The following SRRM2 variants were observed in gnomAD, a reference collection of about 807,000 sequenced individuals.
SRRM2 encodes the protein serine/arginine repetitive matrix protein 2.
A neutral mutation model predicts 213.8 loss-of-function variants in SRRM2; 30 were observed. The ratio of observed to expected loss-of-function variants is 0.14; its 90% CI spans 0.10 to 0.19. SRRM2 has a LOEUF of 0.19. Ranked by LOEUF, SRRM2 falls within the 10% of genes least tolerant of loss-of-function variation. The pLI is 1.00. For missense variants in SRRM2, 4,904 were observed against 3,647.0 expected, an observed-to-expected ratio of 1.34 and a Z score of -8.88; for synonymous variants, 2,025 against 1,377.7, an observed-to-expected ratio of 1.47 and a Z score of -10.40.
chr16:2,761,539 C>T, intron 10 of SRRM2, 22 bp from the exon 11 acceptor site: 3 of 1,481,536 alleles, frequency 2.0e-6, no homozygotes, highest in Non-Finnish European at 1.8e-6. Flanking sequence ...ATCCCTATCC[C>T]TGCTCTCTCT....
At position 2,756,435 on chromosome 16, in the gene SRRM2, C is replaced by T; in HGVS notation, c.71C>T (p.Ser24Phe). The change falls in exon 2 of 15, where the codon TCC becomes TTC. Residue 24 changes from serine to phenylalanine, a missense_variant. Physicochemically the swap from Ser to Phe is radical, Grantham distance 155. Transcript: ENST00000301740. ...AACGGCTACGTCCAGCGCAACCTGT[C>T]CCTGGTGCGGGGCCGCCGGGGTGAG... ...GTNGYVQRNL[S>F]LVRGRRGERP... 4 of 1,612,400 alleles carry T rather than the reference C, an allele frequency of 2.5e-6. No homozygotes were observed. Among genetic ancestry groups the T allele is most frequent in the Non-Finnish European group, 3.4e-6 (4 of 1,179,386 alleles).
At chr16:2,758,361 ACTCTTATT>A in intron 4 of SRRM2, 101 bp from the exon 5 acceptor site, 1 of 1,049,550 alleles carries the variant, frequency 9.5e-7, no homozygotes, top group Admixed American at 1.9e-5. Flanking sequence ...ACAGAGCGAG[ACTCTTATT>A]TTTTTATTTT....
chr16:2,767,858 C>G lies in SRRM2; in HGVS notation c.7330C>G (p.Gln2444Glu). Residue 2444 changes from glutamine (Q) to glutamate (E), a missense_variant, in exon 11 of 15, where the codon CAG becomes GAG. Physicochemically the swap from Gln to Glu is conservative, Grantham distance 29. Transcript: ENST00000301740. ...TTCACAGTCTCTTCTCCCTCCAGCA[C>G]AGGATCAGCCGAGGTCTCCTGTGCC... The part of the protein sequence containing the change: ...APSQSLLPPA[Q>E]DQPRSPVPSA... The G allele has an allele frequency of 1.2e-6, 2 of 1,614,152 alleles. No individual in the cohort carries two copies. The highest frequency in any genetic ancestry group is 1.7e-6 in the Non-Finnish European group (2 of 1,180,020).
chr16:2,757,939 C>A lies in SRRM2; in HGVS notation c.509C>A (p.Pro170His), dbSNP rs529937149. 2.5e-6 allele frequency: 4 copies of A among 1,613,230 alleles called. No individual in the cohort carries two copies. The Admixed American group carries it at 6.7e-5, about 27-fold the overall frequency. ...AKQPAPEPPK[P>H]YSLVRESSSS... ...CAACCAGCTCCTGAGCCTCCCAAAC[C>A]TTACAGGTATACAAGGCCAAGAAAC... The change falls in exon 4 of 15, where the codon CCT becomes CAT. Residue 170 changes from proline (P) to histidine (H), a missense_variant. Physicochemically the swap from Pro to His is moderately conservative, Grantham distance 77. Coordinates refer to ENST00000301740, the MANE Select transcript of SRRM2 (RefSeq NM_016333.4).
intron 1 of SRRM2, among the ~76,000 whole-genome samples, chr16:2,754,396 C>T (rs1253735302): frequency 1.3e-5 from 2 of 151,876 alleles, no homozygotes; most frequent in African/African-American, 2.4e-5. Flanking sequence ...CGGGTTCAAG[C>T]GATTCTCCTG....
rs1424804894 is a variant in SRRM2 at position 2,757,573 on chromosome 16, G to A, written c.344G>A (p.Arg115Lys). The A allele has an allele frequency of 1.2e-6, 2 of 1,612,972 alleles. No homozygotes were observed. Among genetic ancestry groups the A allele is most frequent in the Non-Finnish European group, 1.7e-6 (2 of 1,179,274 alleles). The stretch of plus-strand genomic sequence containing the variant: ...GGCAAGGAGGAGACCCCAGGGCAGA[G>A]GCCAGCGTGAGTGTTGCGCTCTCCC... ...PGGKEETPGQ[R>K]PAVTETHQLA... The change falls in exon 3 of 15, where the codon AGG becomes AAG. Residue 115 changes from arginine to lysine, a missense_variant. Transcript: ENST00000301740.
chr16:2,766,998 T>G lies in SRRM2; in HGVS notation c.6470T>G (p.Met2157Arg). ...CTGCAGCAAGCCGGCGGCTCCATGA[T>G]GGATGGTCCAGGTCCCCGAATACCT... The part of the protein sequence containing the change: ...SVLQQAGGSM[M>R]DGPGPRIPDH... The change falls in exon 11 of 15, where the codon ATG (methionine) becomes AGG (arginine). Residue 2157 changes from methionine to arginine, a missense_variant. Transcript: ENST00000301740. The surrounding 1 kb of genome is among the most constrained non-coding windows in gnomAD (Gnocchi z 7.0). 1 of 1,614,106 alleles carries G rather than the reference T, an allele frequency of 6.2e-7. No individual in the cohort carries two copies. Among genetic ancestry groups the G allele is most frequent in the Non-Finnish European group, 8.5e-7 (1 of 1,180,030 alleles).
rs867791271 is a variant in SRRM2, at chr16:2,757,543, C to T, written c.314C>T (p.Pro105Leu). The T allele has an allele frequency of 1.2e-6, 2 of 1,613,890 alleles. No homozygotes were observed. The highest frequency in any genetic ancestry group is 1.3e-5 in the African/African-American group (1 of 74,870). The change falls in exon 3 of 15, where the codon CCT becomes CTT. Residue 105 changes from proline to leucine, a missense_variant. Pro to Leu is a moderately conservative substitution (Grantham distance 98, BLOSUM62 -3). Coordinates refer to ENST00000301740, the MANE Select transcript of SRRM2 (RefSeq NM_016333.4). ...RLMLLEKDVN[P>L]GGKEETPGQR... ...ATGTTGCTGGAGAAGGATGTGAACC[C>T]TGGGGGCAAGGAGGAGACCCCAGGG...
Position 2,765,735 on chromosome 16 carries a change from C to T in SRRM2, c.5207C>T (p.Ala1736Val), listed in dbSNP as rs192822621. The change falls in exon 11 of 15, where the codon GCC becomes GTC. Residue 1736 changes from alanine to valine, a missense_variant. Ala to Val is a moderately conservative substitution (Grantham distance 64). Coordinates refer to ENST00000301740, the MANE Select transcript of SRRM2 (RefSeq NM_016333.4). Reference sequence around the variant, plus strand: ...CCCTCAGTGTCTTCCCCGGAGCCAGCCGAAAAATCGAGGTCTTCACGCCGA... The same window carrying T: ...CCCTCAGTGTCTTCCCCGGAGCCAGTCGAAAAATCGAGGTCTTCACGCCGA... ...RSPSVSSPEPAEKSRSSRRRR... is the reference protein window; with the variant it reads ...RSPSVSSPEPVEKSRSSRRRR... 1 of 1,614,122 alleles carries T rather than the reference C, an allele frequency of 6.2e-7. No homozygotes were observed. Among genetic ancestry groups the T allele is most frequent in the South Asian group, 1.1e-5 (1 of 91,074 alleles).
Position 2,771,174 on chromosome 16 carries a change from G to A in SRRM2, c.*307G>A. 1 of 625,290 alleles carries A rather than the reference G, an allele frequency of 1.6e-6. No homozygotes were observed. Among genetic ancestry groups the A allele is most frequent in the East Asian group, 2.8e-5 (1 of 36,336 alleles). 38.7% of individuals were successfully genotyped at this position (625,290 alleles called of 1,614,324 possible). ...CTGGAGTCAGGGCCAGGGAGGCATG[G>A]CCCCACTTGTATCCAGAAGTTCCCA... On this transcript the variant is annotated 3_prime_UTR_variant, in exon 15 of 15. Transcript: ENST00000301740.
intron 9 of SRRM2, 26 bp from the exon 10 acceptor site, chr16:2,760,275 C>T (rs766267797): frequency 1.8e-5 from 29 of 1,605,620 alleles, no homozygotes; most frequent in Non-Finnish European, 2.4e-5. Context: ...TCCTTCCTCT[C>T]CCACGTCCTC....
chr16:2,766,205 T>TCTG lies in SRRM2; in HGVS notation c.5678_5679insTGC (p.Ser1893_Pro1894insAla). The TCTG allele has an allele frequency of 6.2e-7, 1 of 1,613,774 alleles. No homozygotes were observed. Among genetic ancestry groups the TCTG allele is most frequent in the Non-Finnish European group, 8.5e-7 (1 of 1,179,940 alleles). ...CCGACGTAGGTCCAGATCTCGAACT[T>TCTG]CACCAGTCAGCCGGAGACGGTCAAG... On this transcript the variant is annotated inframe_insertion, in exon 11 of 15. Transcript: ENST00000301740. The surrounding 1 kb of genome is among the most constrained non-coding windows in gnomAD (Gnocchi z 7.0).
rs1223660387 is a variant in SRRM2 at position 2,766,290 on chromosome 16, G to T, written c.5762G>T (p.Arg1921Met). 5 of 1,614,208 alleles carry T rather than the reference G, an allele frequency of 3.1e-6. No homozygotes were observed. In the South Asian group the frequency reaches 5.5e-5, roughly 18 times the overall value. The change falls in exon 11 of 15, where the codon AGG becomes ATG. Residue 1921 changes from arginine (R) to methionine (M), a missense_variant. Arg to Met is a moderately conservative substitution (Grantham distance 91, BLOSUM62 -1). Coordinates refer to ENST00000301740, the MANE Select transcript of SRRM2 (RefSeq NM_016333.4). This position sits in a 1 kb window ranked among gnomAD's most constrained non-coding sequence, Gnocchi z 7.0. Reference sequence around the variant, plus strand: ...TCAAGAGCATCCCCAGTGAGCAGAAGGCGATCCAGATCCAGAACGCCACCA... The same window carrying T: ...TCAAGAGCATCCCCAGTGAGCAGAATGCGATCCAGATCCAGAACGCCACCA... ...SRSRASPVSRRRSRSRTPPVT... is the reference protein window; with the variant it reads ...SRSRASPVSRMRSRSRTPPVT...
chr16:2,758,732 C>A, intron 5 of SRRM2, 185 bp downstream of exon 5: 1 of 679,006 alleles, frequency 1.5e-6, no homozygotes, highest in Non-Finnish European at 2.5e-6. Context: ...GTTGAGTTTG[C>A]AGTTCTGCTA....
Position 2,756,356 on chromosome 16 carries a change from C to A in SRRM2, c.-9C>A, listed in dbSNP as rs369870612. Reference sequence around the variant, plus strand: ...CAGGAGCGGTGGTGCCCCCCCCGGGCACGGGGCCATGTACAACGGGATCGG... The same window carrying A: ...CAGGAGCGGTGGTGCCCCCCCCGGGAACGGGGCCATGTACAACGGGATCGG... On this transcript the variant is annotated 5_prime_UTR_variant, in exon 2 of 15. Coordinates refer to ENST00000301740, the MANE Select transcript of SRRM2 (RefSeq NM_016333.4). The A allele has an allele frequency of 6.3e-7, 1 of 1,593,826 alleles. No individual in the cohort carries two copies. Among genetic ancestry groups the A allele is most frequent in the South Asian group, 1.1e-5 (1 of 89,666 alleles).
chr16:2,768,771 T>A, intron 11 of SRRM2: 1 of 830,622 alleles, frequency 1.2e-6, no homozygotes, highest in Non-Finnish European at 2.0e-6. Context: ...TCTTGAGGTT[T>A]AACCTTGATC....
At chr16:2,770,781 C>T (rs944088968) in intron 14 of SRRM2, 64 bp downstream of exon 14, 6 of 1,608,988 alleles carry the variant, frequency 3.7e-6, no homozygotes, top group Non-Finnish European at 5.1e-6. Flanking sequence ...GTGGCGGCCC[C>T]ATTTTGGGAG....
chr16:2,768,773 A>T, intron 11 of SRRM2: 1 of 836,984 alleles, frequency 1.2e-6, no homozygotes, highest in Non-Finnish European at 2.0e-6. Flanking sequence ...TTGAGGTTTA[A>T]CCTTGATCCC....
intron 1 of SRRM2, among the ~76,000 whole-genome samples, chr16:2,755,591 A>G (rs543956380): frequency 5.3e-5 from 8 of 152,306 alleles, no homozygotes; most frequent in African/African-American, 1.9e-4. Flanking sequence ...AAGGAATAAA[A>G]TATCAGGATA....
Sources: gnomAD v4.1 joint callset for allele counts (sites outside exome capture counted in the v4.1 genomes callset) on GRCh38, gnomAD v4.1.1 for gene constraint, Gnocchi (gnomAD v3.1) non-coding constraint, MANE v1.5 for transcripts, NCBI Gene and HGNC (gene_info 2026-07-23, HGNC 2026-07-21) for gene names.